The following HSD11B1 variants were observed in gnomAD, a reference collection of about 807,000 sequenced individuals.
HSD11B1 encodes 11-beta-hydroxysteroid dehydrogenase 1.
A neutral mutation model predicts 22.1 loss-of-function variants in HSD11B1; 15 were observed. The observed-to-expected ratio is 0.68, with a 90% CI of 0.45 to 1.04. The LOEUF (loss-of-function observed/expected upper bound fraction) is 1.04, where lower values mean the gene tolerates loss of function less well. Ranked by LOEUF, HSD11B1 falls within the 50% of genes least tolerant of loss-of-function variation. The pLI is 0.00. For missense variants in HSD11B1, 281 were observed against 357.6 expected, an observed-to-expected ratio of 0.79 and a Z score of 1.73; for synonymous variants, 122 against 125.2, an observed-to-expected ratio of 0.97 and a Z score of 0.17.
chr1:209,725,752 C>T (rs1045936548), intron 4 of HSD11B1, among the ~76,000 whole-genome samples: 2 of 152,200 alleles, frequency 1.3e-5, no homozygotes, highest in African/African-American at 4.8e-5. Context: ...AACAGTTTAG[C>T]ACAGTCCTCT....
chr1:209,727,105 A>G (rs1483366712), intron 4 of HSD11B1, among the ~76,000 whole-genome samples: 1 of 152,240 alleles, frequency 6.6e-6, no homozygotes, highest in Non-Finnish European at 1.5e-5. Flanking sequence ...CCTGAATCCA[A>G]TGACAAGTAA....
chr1:209,704,444 C>T (rs2076843645), upstream of HSD11B1, among the ~76,000 whole-genome samples: 2 of 148,032 alleles, frequency 1.4e-5, no homozygotes, highest in African/African-American at 2.5e-5. Context: ...TTAATTGCTT[C>T]CCACTGGGTG....
intron 4 of HSD11B1, among the ~76,000 whole-genome samples, chr1:209,718,424 T>C (rs2102386244): frequency 6.6e-6 from 1 of 152,268 alleles, no homozygotes; most frequent in South Asian, 2.1e-4. Context: ...ATAAACATTT[T>C]ACCAAAGAAG....
At chr1:209,719,572 G>T (rs2076952457) in intron 4 of HSD11B1, among the ~76,000 whole-genome samples, 1 of 152,172 alleles carries the variant, frequency 6.6e-6, no homozygotes, top group Non-Finnish European at 1.5e-5. Flanking sequence ...AAATGGTTAA[G>T]ATAGGCCCCG....
At chr1:209,733,442 C>G (rs1221728512) in intron 5 of HSD11B1, among the ~76,000 whole-genome samples, 3 of 152,060 alleles carry the variant, frequency 2.0e-5, no homozygotes, top group African/African-American at 7.2e-5. Context: ...GAAATTACTA[C>G]TAAGTGGAAT....
Position 209,695,909 on chromosome 1 carries a change from T to G in HSD11B1, c.-48-8986T>G, listed in dbSNP as rs530339226. Reference sequence around the variant, plus strand: ...TAAAAACATACGTTCACACAAAAATTTTCATACCAATGTTCATTGCAGCAC... The same window carrying G: ...TAAAAACATACGTTCACACAAAAATGTTCATACCAATGTTCATTGCAGCAC... On this transcript the variant is annotated intron_variant, in intron 1 of 6. Coordinates refer to the HSD11B1 transcript ENST00000261465. Among the ~76,000 whole-genome samples, 107 of 152,298 alleles carry G rather than the reference T, an allele frequency of 7.0e-4. 5 individuals are homozygous for G. In the South Asian group the frequency reaches 0.022, roughly 31 times the overall value.
chr1:209,729,640 GT>G (rs2077023863), intron 4 of HSD11B1, among the ~76,000 whole-genome samples: 1 of 152,026 alleles, frequency 6.6e-6, no homozygotes, highest in African/African-American at 2.4e-5. Context: ...TTAAGGATGT[GT>G]CCCAACATTG....
chr1:209,687,483 G>A (rs1167197801), intron 1 of HSD11B1, among the ~76,000 whole-genome samples: 1 of 152,184 alleles, frequency 6.6e-6, no homozygotes, highest in Non-Finnish European at 1.5e-5. Context: ...ACTAATTTGA[G>A]TACAGCTAAA....
intron 4 of HSD11B1, among the ~76,000 whole-genome samples, chr1:209,731,528 C>A (rs1425952203): frequency 6.6e-6 from 1 of 152,188 alleles, no homozygotes; most frequent in Non-Finnish European, 1.5e-5. Context: ...GTTGCTATAA[C>A]AATGCTCGGT....
At chr1:209,694,085 C>T (rs1191034540) in intron 1 of HSD11B1, among the ~76,000 whole-genome samples, 1 of 152,168 alleles carries the variant, frequency 6.6e-6, no homozygotes, top group Admixed American at 6.5e-5. Flanking sequence ...TAAGATTTCC[C>T]TCTTAGCCTT....
In HSD11B1 at chr1:209,706,684, T is replaced by C; in HGVS notation, c.220-25T>C. ...CCCAAAAATCTGCAGCTAAGACTGATGCCATTTCTGCTGTATCACTGCAGG... is the reference window on the plus strand; with the variant it reads ...CCCAAAAATCTGCAGCTAAGACTGACGCCATTTCTGCTGTATCACTGCAGG... On this transcript the variant is annotated intron_variant, in intron 2 of 5. Coordinates refer to ENST00000367027, the MANE Select transcript of HSD11B1 (RefSeq NM_005525.4). This position sits in a 1 kb window ranked among gnomAD's most constrained non-coding sequence, Gnocchi z 4.0. 6.5e-7 allele frequency: 1 copy of C among 1,539,740 alleles called. No homozygotes were observed. The highest frequency in any genetic ancestry group is 2.2e-5 in the East Asian group (1 of 44,478).
chr1:209,705,074 A>C, intron 1 of HSD11B1, 44 bp downstream of exon 1: 1 of 1,463,428 alleles, frequency 6.8e-7, no homozygotes, highest in Non-Finnish European at 9.6e-7. Flanking sequence ...GGTTTAAAAA[A>C]CACAGGGGTG....
At chr1:209,703,266 T>C (rs2076835588), upstream of HSD11B1, among the ~76,000 whole-genome samples, 1 of 152,216 alleles carries the variant, frequency 6.6e-6, no homozygotes, top group East Asian at 1.9e-4. Flanking sequence ...CATTGTTTCC[T>C]ATAATTTTAC....
chr1:209,723,979 A>G (rs2102393402), intron 4 of HSD11B1: 1 of 152,286 alleles, frequency 6.6e-6, no homozygotes, highest in South Asian at 2.1e-4. Flanking sequence ...TGCTTATGTT[A>G]TTTCCTTTGG....
At chr1:209,715,519 C>CA (rs2076924620) in intron 4 of HSD11B1, among the ~76,000 whole-genome samples, 1 of 152,074 alleles carries the variant, frequency 6.6e-6, no homozygotes, top group South Asian at 2.1e-4. Context: ...CTTGTTCTGC[C>CA]AGTAAGTACA....
rs561598147 is a variant in HSD11B1, at chr1:209,699,582, C to T, written c.-48-5313C>T. Among the ~76,000 whole-genome samples the T allele has an allele frequency of 2.6e-5, 4 of 152,268 alleles. No individual in the cohort carries two copies. The East Asian group carries it at 7.7e-4, about 29-fold the overall frequency. On this transcript the variant is annotated intron_variant, in intron 1 of 6. Coordinates refer to the HSD11B1 transcript ENST00000261465. ...TCAAGCTGAGATTTGGGTAAGGACACAGTCAAACCATATCATTCCACCCCT... is the reference window on the plus strand; with the variant it reads ...TCAAGCTGAGATTTGGGTAAGGACATAGTCAAACCATATCATTCCACCCCT...
intron 1 of HSD11B1, among the ~76,000 whole-genome samples, chr1:209,699,380 A>G (rs2076812667): frequency 6.6e-6 from 1 of 152,216 alleles, no homozygotes; most frequent in African/African-American, 2.4e-5. Context: ...TCATGGTGGT[A>G]GCCACAAGGC....
intron 4 of HSD11B1, among the ~76,000 whole-genome samples, chr1:209,726,189 G>A (rs2076999692): frequency 6.8e-6 from 1 of 148,124 alleles, no homozygotes. Flanking sequence ...GCTGAGGCAG[G>A]AGAATCACTT....
chr1:209,701,973 C>T (rs1256072901), upstream of HSD11B1, among the ~76,000 whole-genome samples: 1 of 152,132 alleles, frequency 6.6e-6, no homozygotes, highest in East Asian at 1.9e-4. Flanking sequence ...AGTGAAAAGC[C>T]CATTCTGTGC....
Sources: gnomAD v4.1 joint callset for allele counts (sites outside exome capture counted in the v4.1 genomes callset) on GRCh38, gnomAD v4.1.1 for gene constraint, Gnocchi (gnomAD v3.1) non-coding constraint, MANE v1.5 for transcripts, NCBI Gene and HGNC (gene_info 2026-07-23, HGNC 2026-07-21) for gene names.